The following RHOBTB1 variants were observed in gnomAD, a reference collection of about 807,000 sequenced individuals.
RHOBTB1 encodes the protein rho-related BTB domain-containing protein 1.
A neutral mutation model predicts 71.6 loss-of-function variants in RHOBTB1; 40 were observed. The ratio of observed to expected loss-of-function variants is 0.56; its 90% confidence interval spans 0.43 to 0.73. The LOEUF (loss-of-function observed/expected upper bound fraction) is 0.73, where lower values mean the gene tolerates loss of function less well. Ranked by LOEUF, RHOBTB1 falls within the 30% of genes least tolerant of loss-of-function variation. RHOBTB1 has a pLI of 0.00. For synonymous variants in RHOBTB1, 319 were observed against 334.9 expected (o/e 0.95, Z 0.52); for missense variants, 797 against 894.0 (o/e 0.89, Z 1.38).
Position 60,875,032 on chromosome 10 carries a change from G to C in RHOBTB1, c.1737C>G (p.Ala579=). 2 of 1,613,178 alleles carry C rather than the reference G, an allele frequency of 1.2e-6. No individual in the cohort carries two copies. Among genetic ancestry groups the C allele is most frequent in the Non-Finnish European group, 1.7e-6 (2 of 1,179,162 alleles). ...PHLVALAEQH[A]VQELTKAATS... Reference sequence around the variant, plus strand: ...TGGCGGCTTTGGTCAACTCCTGAACGGCATGCTGTTCTGGGGAAGAGAGAG... The same window carrying C: ...TGGCGGCTTTGGTCAACTCCTGAACCGCATGCTGTTCTGGGGAAGAGAGAG... Residue 579 remains alanine (A), a synonymous_variant, in exon 9 of 11, where the codon GCC becomes GCG. Coordinates refer to ENST00000337910, the MANE Select transcript of RHOBTB1 (RefSeq NM_014836.5).
intron 2 of RHOBTB1, among the ~76,000 whole-genome samples, chr10:60,949,336 G>A (rs2085337203): frequency 6.6e-6 from 1 of 152,156 alleles, no homozygotes; most frequent in South Asian, 2.1e-4. Context: ...AACCCTTTCT[G>A]TCCCAAATAC....
At chr10:60,969,999 G>A (rs902562221) in intron 2 of RHOBTB1, among the ~76,000 whole-genome samples, 9 of 151,958 alleles carry the variant, frequency 5.9e-5, no homozygotes, top group Non-Finnish European at 8.8e-5. Context: ...TGGGCCAACC[G>A]TTTGATTGAC....
intron 2 of RHOBTB1, among the ~76,000 whole-genome samples, chr10:60,920,101 T>C (rs987741732): frequency 6.6e-6 from 1 of 152,162 alleles, no homozygotes; most frequent in African/African-American, 2.4e-5. Context: ...TGTCATTACT[T>C]CTGCACAAAG....
rs7090226 is a variant in RHOBTB1, at chr10:60,913,908, T to C, written c.-10-2356A>G. Among the ~76,000 whole-genome samples, 1,506 of 152,292 alleles carry C rather than the reference T, an allele frequency of 9.9e-3. 32 individuals are homozygous for C. Among genetic ancestry groups the C allele is most frequent in the African/African-American group, 0.034 (1,425 of 41,536 alleles). On this transcript the variant is annotated intron_variant, in intron 2 of 10. Coordinates refer to ENST00000337910, the MANE Select transcript of RHOBTB1 (RefSeq NM_014836.5). ...TCATCTCCTAAGGTTGTTGTGAGGA[T>C]TACGTGAACTGATGAATTAAGTCCT...
At chr10:60,861,137 G>A in the RHOBTB1 span, among the ~76,000 whole-genome samples, 49 of 152,264 alleles carry the variant, frequency 3.2e-4, no homozygotes, top group East Asian at 6.6e-3. Context: ...TGACGGAACC[G>A]GTTACCTCCC....
intron 2 of RHOBTB1, among the ~76,000 whole-genome samples, chr10:60,959,531 A>G (rs571007164): frequency 1.3e-4 from 20 of 152,302 alleles, no homozygotes; most frequent in Admixed American, 7.9e-4. Flanking sequence ...TGTTGCTCAC[A>G]TGTCTCTGAG....
At chr10:60,886,717 T>TCGGGG (rs142829911) in intron 6 of RHOBTB1, among the ~76,000 whole-genome samples, 3 of 137,482 alleles carry the variant, frequency 2.2e-5, no homozygotes, top group East Asian at 2.1e-4. Context: ...TTAAGAGATG[T>TCGGGG]GGGGGGGGGT....
In RHOBTB1 at chr10:60,871,352, G is replaced by A. The variant is rs61853326; in HGVS notation, c.*130C>T. The A allele has an allele frequency of 0.026, 21,783 of 822,586 alleles. 705 individuals are homozygous for A. Among genetic ancestry groups the A allele is most frequent in the African/African-American group, 0.1 (5,848 of 58,268 alleles). The allele number at this position is 822,586 out of a possible 1,614,324, so 51.0% of individuals were successfully genotyped here. ...TAACAAAGATAAATGCACAAAAGTG[G>A]AGGAAGATCAGTGCCCGAAACCTGA... On this transcript the variant is annotated 3_prime_UTR_variant, in exon 11 of 11. Coordinates refer to ENST00000337910, the MANE Select transcript of RHOBTB1 (RefSeq NM_014836.5).
chr10:60,994,947 A>T lies in RHOBTB1; in HGVS notation c.-163+6452T>A, dbSNP rs1293692292. 5.9e-5 allele frequency among the ~76,000 whole-genome samples: 9 copies of T among 151,852 alleles called. No individual in the cohort carries two copies. The East Asian group carries it at 1.6e-3, about 27-fold the overall frequency. ...AACAAAACAAAACAAAACAAAAAAC[A>T]GAGCACATAATGAAAGATGCGGCTA... On this transcript the variant is annotated intron_variant, in intron 1 of 11. Transcript: ENST00000357917.
chr10:60,957,725 G>A (rs1046010195), intron 2 of RHOBTB1, among the ~76,000 whole-genome samples: 3 of 152,114 alleles, frequency 2.0e-5, no homozygotes, highest in African/African-American at 4.8e-5. Context: ...CTGAATAACT[G>A]AAAGAGATTC....
intron 9 of RHOBTB1, 76 bp from the exon 10 acceptor site, chr10:60,872,366 T>A: frequency 9.6e-7 from 1 of 1,038,004 alleles, no homozygotes; most frequent in Non-Finnish European, 1.5e-6. Flanking sequence ...GAAGCCATTT[T>A]AAGGGTGAAA....
intron 9 of RHOBTB1, among the ~76,000 whole-genome samples, chr10:60,872,541 A>AATT (rs2080845878): frequency 6.6e-6 from 1 of 152,152 alleles, no homozygotes; most frequent in East Asian, 1.9e-4. Flanking sequence ...TCACGAGCTT[A>AATT]AAGTATGCCT....
intron 2 of RHOBTB1, among the ~76,000 whole-genome samples, chr10:60,922,257 A>G (rs919241992): frequency 1.3e-5 from 2 of 152,186 alleles, no homozygotes; most frequent in Non-Finnish European, 2.9e-5. Context: ...TATAACTAAT[A>G]TGAAAGTGAG....
At chr10:60,863,427 GCA>G in the RHOBTB1 span, among the ~76,000 whole-genome samples, 61 of 149,086 alleles carry the variant, frequency 4.1e-4, no homozygotes, top group Admixed American at 6.0e-4. Context: ...TGCTGATAGC[GCA>G]CAAAACTTCC....
chr10:60,892,522 T>A (rs1055147403), intron 5 of RHOBTB1, among the ~76,000 whole-genome samples: 1 of 152,256 alleles, frequency 6.6e-6, no homozygotes, highest in Non-Finnish European at 1.5e-5. Context: ...TTTTGTCTAA[T>A]ACTTTATACT....
At chr10:60,946,697 G>A (rs545234217), upstream of RHOBTB1, among the ~76,000 whole-genome samples, 4 of 152,076 alleles carry the variant, frequency 2.6e-5, no homozygotes, top group Non-Finnish European at 5.9e-5. Flanking sequence ...TCAGTGTCAT[G>A]CTTCTCTTAA....
chr10:60,972,378 T>A (rs536958247), intron 2 of RHOBTB1, among the ~76,000 whole-genome samples: 3 of 151,990 alleles, frequency 2.0e-5, no homozygotes, highest in African/African-American at 7.2e-5. Flanking sequence ...AGTTCCTGTC[T>A]TTTGCAGGGA....
chr10:60,914,163 T>C (rs1025189104), intron 2 of RHOBTB1, among the ~76,000 whole-genome samples: 2 of 152,174 alleles, frequency 1.3e-5, no homozygotes, highest in African/African-American at 2.4e-5. Context: ...GTGTAGCTGA[T>C]CTTAAGCAAA....
rs146571210 is a variant in RHOBTB1, at chr10:60,990,961, C to T, written c.-162-5016G>A. ...ACTGAACTTAGCATCTGTTTTCACA[C>T]ACATGTTCCTCCACCATTGTTCCCT... On this transcript the variant is annotated intron_variant, in intron 1 of 11. Coordinates refer to the RHOBTB1 transcript ENST00000357917. Among the ~76,000 whole-genome samples, 3 of 152,306 alleles carry T rather than the reference C, an allele frequency of 2.0e-5. No homozygotes were observed. The East Asian group carries it at 5.8e-4, about 29-fold the overall frequency.
Sources: allele counts gnomAD v4.1 joint callset (sites outside exome capture counted in the v4.1 genomes callset), GRCh38; gene constraint gnomAD v4.1.1; transcripts MANE v1.5; gene names NCBI Gene and HGNC (gene_info 2026-07-23, HGNC 2026-07-21).